The following PLCG2 variants were observed in gnomAD, a reference collection of about 807,000 sequenced individuals.
PLCG2 encodes 1-phosphatidylinositol 4,5-bisphosphate phosphodiesterase gamma-2.
A neutral mutation model predicts 175.6 loss-of-function variants in PLCG2; 69 were observed. That is an observed-to-expected ratio of 0.39 (90% CI 0.32 to 0.48). The LOEUF is 0.48. Ranked by LOEUF, PLCG2 falls within the 20% of genes least tolerant of loss-of-function variation. The probability of loss-of-function intolerance (pLI) is 0.91; values close to 1 mark genes in which losing one functional copy is unlikely to be tolerated. For synonymous variants in PLCG2, 827 were observed against 624.0 expected, an observed-to-expected ratio of 1.33 and a Z score of -4.85; for missense variants, 1,798 against 1,650.9, an observed-to-expected ratio of 1.09 and a Z score of -1.54.
intron 7 of PLCG2, among the ~76,000 whole-genome samples, chr16:81,877,543 C>G (rs7192314): frequency 0.13 from 19,976 of 152,308 alleles, 2,066 homozygotes; most frequent in East Asian, 0.45. Context: ...CAGGGCCACA[C>G]CCCTCGGAAG....
chr16:81,745,342 G>T (rs951689822), intron 1 of PLCG2, among the ~76,000 whole-genome samples: 3 of 152,168 alleles, frequency 2.0e-5, no homozygotes, highest in Non-Finnish European at 4.4e-5. Flanking sequence ...TCTCTTTTCT[G>T]TAAGTTGCAA....
At chr16:81,818,862 TAAGC>T (rs1904667177) in intron 2 of PLCG2, among the ~76,000 whole-genome samples, 1 of 146,856 alleles carries the variant, frequency 6.8e-6, no homozygotes, top group Admixed American at 6.9e-5. Context: ...TCCTTTTCCA[TAAGC>T]TAGTGTGGGC....
chr16:81,887,810 T>G (rs1449180208), intron 9 of PLCG2, among the ~76,000 whole-genome samples: 1 of 152,220 alleles, frequency 6.6e-6, no homozygotes, highest in Non-Finnish European at 1.5e-5. Flanking sequence ...CCTTTTCCTA[T>G]GAATATTTGG....
chr16:81,830,281 C>G (rs556944757), intron 2 of PLCG2, among the ~76,000 whole-genome samples: 2 of 152,128 alleles, frequency 1.3e-5, no homozygotes, highest in East Asian at 3.8e-4. Flanking sequence ...GATCATGCCA[C>G]TCACTCCAGC....
intron 14 of PLCG2, 70 bp downstream of exon 14, chr16:81,900,850 C>T (rs1251010323): frequency 1.1e-5 from 16 of 1,432,874 alleles, no homozygotes; most frequent in South Asian, 6.4e-5. Context: ...CTCTGGGTCC[C>T]GTTCACCAAG....
chr16:81,859,701 A>AT (rs947014149), intron 5 of PLCG2, among the ~76,000 whole-genome samples: 24 of 151,780 alleles, frequency 1.6e-4, no homozygotes, highest in East Asian at 5.9e-4. Flanking sequence ...TGCCCGGCTA[A>AT]TTTTTTTTGT....
chr16:81,831,240 C>T (rs78463230), intron 2 of PLCG2, among the ~76,000 whole-genome samples: 3,688 of 152,238 alleles, frequency 0.024, 51 homozygotes, highest in Non-Finnish European at 0.038. Flanking sequence ...TGTAATTCTT[C>T]GAGGCCAGGA....
rs1347172351 is a variant in PLCG2 at position 81,889,273 on chromosome 16, G to C, written c.867G>C (p.Glu289Asp). The change falls in exon 10 of 33, where the codon GAG becomes GAC. Residue 289 changes from glutamate to aspartate, a missense_variant and splice_region_variant. Physicochemically the swap from Glu to Asp is conservative, Grantham distance 45 (BLOSUM62 2). Transcript: ENST00000564138. ...CTGAGCCTTTCTTGTTTGTGGATGA[G>C]GTGAGTAGGCTGGGCTTGTTGTCGC... Reference protein sequence around the residue: ...ETAEPFLFVDEFLTYLFSREN... With the variant: ...ETAEPFLFVDDFLTYLFSREN... The C allele has an allele frequency of 6.4e-7, 1 of 1,565,428 alleles. No individual in the cohort carries two copies. Among genetic ancestry groups the C allele is most frequent in the African/African-American group, 1.4e-5 (1 of 73,752 alleles).
At chr16:81,882,431 C>G (rs748965931) in intron 8 of PLCG2, among the ~76,000 whole-genome samples, 55 of 152,118 alleles carry the variant, frequency 3.6e-4, no homozygotes, top group Admixed American at 6.5e-5. Flanking sequence ...CTCCAGAGCA[C>G]TCAATGACCC....
chr16:81,952,934 A>G (rs975994001), intron 31 of PLCG2, among the ~76,000 whole-genome samples: 2 of 152,234 alleles, frequency 1.3e-5, no homozygotes, highest in Admixed American at 6.5e-5. Context: ...CCCTGCAGCT[A>G]CCATCTTAAT....
chr16:81,812,389 C>T (rs1330520085), intron 2 of PLCG2, among the ~76,000 whole-genome samples: 4 of 152,148 alleles, frequency 2.6e-5, no homozygotes, highest in Admixed American at 2.6e-4. Context: ...TTCTAACTGG[C>T]ATGAGATGGT....
intron 2 of PLCG2, among the ~76,000 whole-genome samples, chr16:81,803,647 CCCTCCCTCCCTCCCTCCCTT>C (rs1274917069): frequency 7.1e-5 from 3 of 42,054 alleles, no homozygotes; most frequent in African/African-American, 9.9e-5. Flanking sequence ...CTCCCTCCCT[CCCTCCCTCCCTCCCTCCCTT>C]CCTTCCTTCC....
intron 2 of PLCG2, among the ~76,000 whole-genome samples, chr16:81,787,680 C>G (rs1471210849): frequency 6.6e-6 from 1 of 151,928 alleles, no homozygotes; most frequent in Non-Finnish European, 1.5e-5. Flanking sequence ...AAAAGTAGAA[C>G]CTTTATATCA....
intron 2 of PLCG2, among the ~76,000 whole-genome samples, chr16:81,823,938 CCCTT>C (rs1465862378): frequency 1.3e-5 from 2 of 148,406 alleles, no homozygotes; most frequent in East Asian, 3.9e-4. Context: ...CTTCCTTCCT[CCCTT>C]CCTCCTTTCC....
At chr16:81,787,399 T>TTTTTTTTC (rs1911022734) in intron 2 of PLCG2, among the ~76,000 whole-genome samples, 1 of 136,792 alleles carries the variant, frequency 7.3e-6, no homozygotes, top group African/African-American at 2.8e-5. Context: ...TTTAATTTTT[T>TTTTTTTTC]TTTTTTTTTT....
chr16:81,802,566 CTTTTTTTGTTTTTGTT>C, intron 2 of PLCG2, among the ~76,000 whole-genome samples: 1 of 152,106 alleles, frequency 6.6e-6, no homozygotes, highest in African/African-American at 2.4e-5. Context: ...TGTTTTCTTT[CTTTTTTTGTTTTTGTT>C]TTGAGACTGA....
At chr16:81,794,973 C>T (rs973371412) in intron 2 of PLCG2, among the ~76,000 whole-genome samples, 1 of 152,150 alleles carries the variant, frequency 6.6e-6, no homozygotes, top group Non-Finnish European at 1.5e-5. Flanking sequence ...TGCTGAATAG[C>T]TGAGGAATTG....
chr16:81,837,567 C>T (rs951054389), intron 2 of PLCG2, among the ~76,000 whole-genome samples: 5 of 152,146 alleles, frequency 3.3e-5, no homozygotes, highest in Non-Finnish European at 5.9e-5. Flanking sequence ...CATGGCAAAG[C>T]GTTAACAACA....
intron 7 of PLCG2, 35 bp downstream of exon 7, chr16:81,870,970 T>C: frequency 8.5e-7 from 1 of 1,181,898 alleles, no homozygotes. Flanking sequence ...TCAAGTGATG[T>C]TTCTGTTTTC....
Sources: gnomAD v4.1 joint callset for allele counts (sites outside exome capture counted in the v4.1 genomes callset) on GRCh38, gnomAD v4.1.1 for gene constraint, MANE v1.5 for transcripts, NCBI Gene and HGNC (gene_info 2026-07-23, HGNC 2026-07-21) for gene names.